The following PLD1 variants were observed in gnomAD, a reference collection of about 807,000 sequenced individuals.
PLD1 encodes the protein phospholipase D1.
Under a neutral mutation model 137.1 loss-of-function variants are expected in PLD1, and 112 were observed. The ratio of observed to expected loss-of-function variants is 0.82; its 90% CI spans 0.70 to 0.96. PLD1 has a LOEUF of 0.96. Among genes scored for constraint, PLD1 ranks in the 40% least tolerant of loss-of-function variants. The pLI is 0.00. For synonymous variants in PLD1, 431 were observed against 454.7 expected, an observed-to-expected ratio of 0.95 and a Z score of 0.66; for missense variants, 1,321 against 1,342.0, an observed-to-expected ratio of 0.98 and a Z score of 0.24.
At chr3:171,806,254 A>C (rs1466123041) in intron 1 of PLD1, among the ~76,000 whole-genome samples, 1 of 152,238 alleles carries the variant, frequency 6.6e-6, no homozygotes, top group Non-Finnish European at 1.5e-5. Flanking sequence ...CAGAAAAAAA[A>C]CACTGTGACA....
intron 23 of PLD1, among the ~76,000 whole-genome samples, chr3:171,638,988 C>T (rs1254464394): frequency 6.6e-6 from 1 of 151,948 alleles, no homozygotes; most frequent in African/African-American, 2.4e-5. Context: ...TACCCTTTTA[C>T]TACCATTAAC....
At chr3:171,656,418 G>A (rs534741714) in intron 21 of PLD1, among the ~76,000 whole-genome samples, 4 of 152,166 alleles carry the variant, frequency 2.6e-5, no homozygotes, top group South Asian at 2.1e-4. Flanking sequence ...TGATCCACCC[G>A]CCTCAGCCTC....
At position 171,628,139 on chromosome 3, in the gene PLD1, G is replaced by A. The variant is rs534144801; in HGVS notation, c.2594-7619C>T. On this transcript the variant is annotated intron_variant, in intron 23 of 26. Transcript: ENST00000351298. ...CAAGACTAATAAAGAAGAAAAGAGA[G>A]AAGAATTAAATAGACGCAATAAAAA... Among the ~76,000 whole-genome samples, 8 of 152,150 alleles carry A rather than the reference G, an allele frequency of 5.3e-5. No individual in the cohort carries two copies. The South Asian group carries it at 1.7e-3, about 32-fold the overall frequency.
rs893314682 is a variant in PLD1, at chr3:171,642,833, T to A, written c.2593+7A>T. The A allele has an allele frequency of 1.3e-6, 2 of 1,535,482 alleles. No individual in the cohort carries two copies. The highest frequency in any genetic ancestry group is 1.8e-6 in the Non-Finnish European group (2 of 1,121,228). ...ACAATGATATGAGAAAAAAAGCAGT[T>A]ACTTACGCTCTGCTTTTAACTGTCC... On this transcript the variant is annotated splice_region_variant and intron_variant, in intron 23 of 26. Transcript: ENST00000351298.
intron 7 of PLD1, 151 bp from the exon 8 acceptor site, chr3:171,724,939 C>G: frequency 1.6e-6 from 1 of 636,668 alleles, no homozygotes; most frequent in Non-Finnish European, 2.8e-6. Flanking sequence ...TAGCTCAGTG[C>G]CCTGTTAGGC....
intron 21 of PLD1, among the ~76,000 whole-genome samples, chr3:171,655,672 TAACACAAGCTCACAG>T (rs995215815): frequency 6.6e-6 from 1 of 152,164 alleles, no homozygotes; most frequent in African/African-American, 2.4e-5. Context: ...TTACCTTGCC[TAACACAAGCTCACAG>T]AACACAAGCT....
At chr3:171,708,620 T>A in intron 11 of PLD1, 135 bp downstream of exon 11, 2 of 525,646 alleles carry the variant, frequency 3.8e-6, no homozygotes. Flanking sequence ...CTTAGTCAAC[T>A]GGTTGAGACC....
At position 171,710,345 on chromosome 3, in the gene PLD1, TCCC is replaced by T. The variant is rs373482890; in HGVS notation, c.912-639_912-637del. Among the ~76,000 whole-genome samples the T allele has an allele frequency of 6.4e-3, 972 of 152,146 alleles. 9 individuals carry two copies. Among genetic ancestry groups the T allele is most frequent in the African/African-American group, 0.022 (930 of 41,498 alleles). On this transcript the variant is annotated intron_variant, in intron 9 of 26. Transcript: ENST00000351298. ...CAAAGTTCTGGGATTACAGGCGTGGTCCCCAACTTTTTTGGTACCAGGGACAGG... is the reference window on the plus strand; with the variant it reads ...CAAAGTTCTGGGATTACAGGCGTGGTCAACTTTTTTGGTACCAGGGACAGG...
chr3:171,776,633 A>C (rs1722599289), intron 1 of PLD1, among the ~76,000 whole-genome samples: 2 of 152,206 alleles, frequency 1.3e-5, no homozygotes, highest in African/African-American at 4.8e-5. Context: ...GTGTGTTGCC[A>C]GGGCTGCGGT....
At position 171,688,727 on chromosome 3, in the gene PLD1, G is replaced by A. The variant is rs770287345; in HGVS notation, c.1488C>T (p.Asp496=). ...AAGTGACCCGCTTCACACTGCCCACGTCTGTGAGTCTGTGCTCATTGTCGT... is the reference window on the plus strand; with the variant it reads ...AAGTGACCCGCTTCACACTGCCCACATCTGTGAGTCTGTGCTCATTGTCGT... ...RWDDNEHRLT[D]VGSVKRVTSG... The change falls in exon 14 of 27, where the codon GAC becomes GAT. Residue 496 remains aspartate, a synonymous_variant. Transcript: ENST00000351298. 7 of 1,613,990 alleles carry A rather than the reference G, an allele frequency of 4.3e-6. No individual in the cohort carries two copies. The African/African-American group carries it at 5.3e-5, about 12-fold the overall frequency.
At chr3:171,618,644 G>A (rs888082825) in intron 24 of PLD1, among the ~76,000 whole-genome samples, 1 of 152,074 alleles carries the variant, frequency 6.6e-6, no homozygotes, top group African/African-American at 2.4e-5. Context: ...AACTCCTAAA[G>A]AGCTTTTATC....
chr3:171,731,777 AG>A (rs1424023984), intron 6 of PLD1, among the ~76,000 whole-genome samples: 2 of 152,100 alleles, frequency 1.3e-5, no homozygotes, highest in East Asian at 3.9e-4. Context: ...ATCCCAAAAA[AG>A]AAAAAAAAAA....
At chr3:171,757,196 G>A (rs1721087172) in intron 1 of PLD1, among the ~76,000 whole-genome samples, 1 of 152,158 alleles carries the variant, frequency 6.6e-6, no homozygotes, top group Non-Finnish European at 1.5e-5. Flanking sequence ...GTTTTCTTCT[G>A]AAGACTCTGC....
intron 9 of PLD1, among the ~76,000 whole-genome samples, chr3:171,710,571 G>A (rs532184202): frequency 6.6e-6 from 1 of 152,312 alleles, no homozygotes; most frequent in East Asian, 1.9e-4. Context: ...CGGAACTCAG[G>A]TGGTAATGCT....
intron 25 of PLD1, chr3:171,611,436 C>T (rs569801279): frequency 2.8e-6 from 1 of 355,452 alleles, no homozygotes; most frequent in African/African-American, 2.1e-5. Context: ...GAAAACACAA[C>T]AGGGGACGTG....
chr3:171,788,803 A>G (rs1264349336), intron 1 of PLD1: 1 of 152,202 alleles, frequency 6.6e-6, no homozygotes, highest in African/African-American at 2.4e-5. Context: ...AGTTCTGTCT[A>G]TATATAGTAC....
At position 171,808,815 on chromosome 3, in the gene PLD1, A is replaced by ATTTTT. The variant is rs60146546; in HGVS notation, c.-32+1579_-32+1583dup. 5.4e-3 allele frequency among the ~76,000 whole-genome samples: 464 copies of ATTTTT among 86,230 alleles called. 48 individuals carry two copies. Among genetic ancestry groups the ATTTTT allele is most frequent in the Non-Finnish European group, 6.5e-3 (313 of 48,114 alleles). 56.6% of individuals were successfully genotyped at this position (86,230 alleles called of 152,430 possible). A position where few individuals can be genotyped will look rare whatever the true frequency, so the allele number is the denominator to read the frequency against. On this transcript the variant is annotated intron_variant, in intron 1 of 26. Coordinates refer to ENST00000351298, the MANE Select transcript of PLD1 (RefSeq NM_002662.5). ...TTTTTCCTCAAAGCCTTAGCATTCA[A>ATTTTT]TTTTTTTTTTTTTTTTTTTTTTTTT...
chr3:171,776,960 C>G (rs956578295), intron 1 of PLD1, among the ~76,000 whole-genome samples: 4 of 151,748 alleles, frequency 2.6e-5, no homozygotes, highest in Non-Finnish European at 4.4e-5. Context: ...TTTTAAATAC[C>G]TGATCAGTTC....
At chr3:171,635,426 C>T (rs912836131) in intron 23 of PLD1, among the ~76,000 whole-genome samples, 2 of 151,594 alleles carry the variant, frequency 1.3e-5, no homozygotes, top group African/African-American at 4.8e-5. Flanking sequence ...CTTGCCAATA[C>T]TTTATTATTA....
Sources: allele counts gnomAD v4.1 joint callset (sites outside exome capture counted in the v4.1 genomes callset), GRCh38; gene constraint gnomAD v4.1.1; transcripts MANE v1.5; gene names NCBI Gene and HGNC (gene_info 2026-07-23, HGNC 2026-07-21).